SPAG6: variants seen among roughly 807,000 people sequenced by gnomAD.
SPAG6 encodes sperm-associated antigen 6.
Under a neutral mutation model 58.5 loss-of-function variants are expected in SPAG6, and 49 were observed. The observed-to-expected ratio is 0.84, with a 90% CI of 0.67 to 1.06. The LOEUF is 1.06. SPAG6 is among the 50% of genes least tolerant of loss of function. The pLI, the probability that SPAG6 is intolerant of heterozygous loss-of-function variation, is 0.00. For synonymous variants in SPAG6, 233 were observed against 225.6 expected (o/e 1.03, Z -0.29); for missense variants, 560 against 611.3 (o/e 0.92, Z 0.89).
intron 4 of SPAG6, among the ~76,000 whole-genome samples, chr10:22,369,740 C>T (rs1430041627): frequency 2.0e-5 from 3 of 152,000 alleles, no homozygotes; most frequent in Non-Finnish European, 2.9e-5. Flanking sequence ...GCACTTAGGT[C>T]GGTGCTTTGA....
intron 9 of SPAG6, among the ~76,000 whole-genome samples, chr10:22,401,546 T>C (rs561969703): frequency 6.3e-4 from 96 of 152,324 alleles, no homozygotes; most frequent in African/African-American, 2.3e-3. Flanking sequence ...ATAATTTATA[T>C]TGATAAGTGA....
chr10:22,372,185 C>T (rs1242562103), intron 4 of SPAG6, among the ~76,000 whole-genome samples: 5 of 151,910 alleles, frequency 3.3e-5, no homozygotes, highest in Admixed American at 6.6e-5. Flanking sequence ...TATAATTGTT[C>T]TCTTTTATTA....
chr10:22,359,148 C>T (rs1377864341), intron 2 of SPAG6, among the ~76,000 whole-genome samples: 1 of 151,982 alleles, frequency 6.6e-6, no homozygotes, highest in Non-Finnish European at 1.5e-5. Context: ...TCTTATTGGA[C>T]CCCAGAAAGA....
intron 2 of SPAG6, among the ~76,000 whole-genome samples, chr10:22,350,180 T>A (rs1836679596): frequency 6.6e-6 from 1 of 152,132 alleles, no homozygotes; most frequent in African/African-American, 2.4e-5. Flanking sequence ...AACACTGACT[T>A]CTTCTTAAAA....
intron 9 of SPAG6, among the ~76,000 whole-genome samples, chr10:22,406,103 A>G (rs905828184): frequency 3.3e-5 from 5 of 151,860 alleles, no homozygotes; most frequent in Non-Finnish European, 7.4e-5. Context: ...TGGATTCGTT[A>G]ATTTTTTGAA....
At chr10:22,392,321 AT>A (rs1834201100) in intron 8 of SPAG6, among the ~76,000 whole-genome samples, 1 of 152,192 alleles carries the variant, frequency 6.6e-6, no homozygotes, top group African/African-American at 2.4e-5. Flanking sequence ...GTCAGAGGGC[AT>A]TTTTGAACCC....
rs529451315 is a variant in SPAG6 at position 22,360,888 on chromosome 10, TTTCC to T, written c.122-3944_122-3941del. On this transcript the variant is annotated intron_variant, in intron 2 of 10. Coordinates refer to ENST00000376624, the MANE Select transcript of SPAG6 (RefSeq NM_012443.4). ...GGCAGGTAAGAAAAATTTCTTTTTA[TTTCC>T]TTCCTTCCTTCCTTCCTTCCATTGT... The T allele has an allele frequency of 9.0e-4, 1,148 of 1,273,486 alleles. 2 individuals carry two copies. The highest frequency in any genetic ancestry group is 1.5e-3 in the Admixed American group (74 of 50,164). 78.9% of individuals were successfully genotyped at this position (1,273,486 alleles called of 1,614,324 possible).
intron 2 of SPAG6, among the ~76,000 whole-genome samples, chr10:22,357,508 A>G (rs960105759): frequency 3.3e-5 from 5 of 152,304 alleles, no homozygotes; most frequent in Non-Finnish European, 7.3e-5. Flanking sequence ...GATGGTATTA[A>G]TTAATGAGTC....
chr10:22,345,967 G>C lies in SPAG6; in HGVS notation c.121+149G>C, dbSNP rs1408919912. On this transcript the variant is annotated intron_variant, in intron 2 of 10. Coordinates refer to ENST00000376624, the MANE Select transcript of SPAG6 (RefSeq NM_012443.4). The surrounding 1 kb of genome is among the most constrained non-coding windows in gnomAD (Gnocchi z 6.3). The stretch of plus-strand genomic sequence containing the variant: ...TCCATTCTTTTCAGCGGGTCTTTGG[G>C]GGTCAGGCCGAGAGGGTGAAGCTTC... 1 of 1,550,190 alleles carries C rather than the reference G, an allele frequency of 6.5e-7. No homozygotes were observed. The highest frequency in any genetic ancestry group is 8.7e-7 in the Non-Finnish European group (1 of 1,147,000).
chr10:22,346,430 GTTCTTCTTCTTCTTCTTCTTCTTCTTC>G (rs71393995), intron 2 of SPAG6, among the ~76,000 whole-genome samples: 2 of 95,920 alleles, frequency 2.1e-5, no homozygotes, highest in African/African-American at 3.9e-5. Context: ...AGAGAAAATG[GTTCTTCTTCTTCTTCTTCTTCTTCTTC>G]TTCTTCTTCT....
intron 6 of SPAG6, 65 bp downstream of exon 6, chr10:22,388,061 A>C: frequency 1.5e-6 from 2 of 1,334,174 alleles, no homozygotes; most frequent in South Asian, 2.8e-5. Context: ...ATAAAACATC[A>C]ATTTGTTTAT....
At chr10:22,371,922 C>T (rs1423948110) in intron 4 of SPAG6, among the ~76,000 whole-genome samples, 1 of 151,194 alleles carries the variant, frequency 6.6e-6, no homozygotes, top group Non-Finnish European at 1.5e-5. Flanking sequence ...TTTTTTTTTT[C>T]CAACTGTGTA....
intron 9 of SPAG6, among the ~76,000 whole-genome samples, chr10:22,407,654 C>G (rs1030015496): frequency 6.6e-6 from 1 of 151,788 alleles, no homozygotes; most frequent in African/African-American, 2.4e-5. Flanking sequence ...TTGTGGCGTT[C>G]TCTGTATTTC....
chr10:22,346,430 G>GTTCTTCTTCTTCTCC (rs1836532472), intron 2 of SPAG6, among the ~76,000 whole-genome samples: 8 of 95,920 alleles, frequency 8.3e-5, no homozygotes, highest in Non-Finnish European at 1.3e-4. Context: ...AGAGAAAATG[G>GTTCTTCTTCTTCTCC]TTCTTCTTCT....
chr10:22,409,749 C>T (rs1021379779), intron 9 of SPAG6, among the ~76,000 whole-genome samples: 2 of 152,114 alleles, frequency 1.3e-5, no homozygotes, highest in African/African-American at 4.8e-5. Flanking sequence ...ATTGTGACCC[C>T]ACCCCTTCCC....
At position 22,376,364 on chromosome 10, in the gene SPAG6, T is replaced by C. The variant is rs76351006; in HGVS notation, c.472+7686T>C. Among the ~76,000 whole-genome samples, 1,383 of 152,360 alleles carry C rather than the reference T, an allele frequency of 9.1e-3. 20 individuals are homozygous for C. Among genetic ancestry groups the C allele is most frequent in the African/African-American group, 0.031 (1,280 of 41,576 alleles). ...TTGAAATTATATTTGAGATATATTG[T>C]GTTAAAGCATATTAAAATTATTTTC... On this transcript the variant is annotated intron_variant, in intron 4 of 10. Transcript: ENST00000376624.
chr10:22,406,279 C>T (rs1284497996), intron 9 of SPAG6, among the ~76,000 whole-genome samples: 1 of 152,000 alleles, frequency 6.6e-6, no homozygotes, highest in Admixed American at 6.6e-5. Context: ...GCATTTAGTG[C>T]TATAAATTTC....
At chr10:22,413,944 T>G (rs1367411782) in intron 10 of SPAG6, among the ~76,000 whole-genome samples, 1 of 152,222 alleles carries the variant, frequency 6.6e-6, no homozygotes, top group Non-Finnish European at 1.5e-5. Context: ...ATTCATCTGT[T>G]ACTAACCTAA....
chr10:22,374,270 C>G (rs530991794), intron 4 of SPAG6, among the ~76,000 whole-genome samples: 51 of 152,232 alleles, frequency 3.4e-4, no homozygotes, highest in African/African-American at 1.1e-3. Context: ...GCATTTATGT[C>G]TGTGTTCCCA....
Sources: gnomAD v4.1 joint callset for allele counts (sites outside exome capture counted in the v4.1 genomes callset) on GRCh38, gnomAD v4.1.1 for gene constraint, Gnocchi (gnomAD v3.1) non-coding constraint, MANE v1.5 for transcripts, NCBI Gene and HGNC (gene_info 2026-07-23, HGNC 2026-07-21) for gene names.